The following AKAP13 variants were observed in gnomAD, a reference collection of about 807,000 sequenced individuals.
AKAP13 encodes A-kinase anchoring protein 13.
A neutral mutation model predicts 264.5 loss-of-function variants in AKAP13; 80 were observed. That is an observed-to-expected ratio of 0.30 (90% confidence interval 0.25 to 0.36). The LOEUF is 0.36. AKAP13 is among the 10% of genes least tolerant of loss of function. The pLI is 1.00. For missense variants in AKAP13, 3,712 were observed against 3,435.2 expected (o/e 1.08, Z -2.01); for synonymous variants, 1,380 against 1,250.2 (o/e 1.10, Z -2.19).
At chr15:85,554,026 G>C (rs974419151) in intron 5 of AKAP13, among the ~76,000 whole-genome samples, 1 of 152,118 alleles carries the variant, frequency 6.6e-6, no homozygotes, top group Non-Finnish European at 1.5e-5. Context: ...GGGACCGCTG[G>C]TTTAGATTAT....
chr15:85,629,734 A>G (rs1010804721), intron 8 of AKAP13, among the ~76,000 whole-genome samples: 3 of 145,278 alleles, frequency 2.1e-5, no homozygotes, highest in Non-Finnish European at 4.5e-5. Context: ...AGTATCATGA[A>G]TCTAGAAATA....
intron 8 of AKAP13, among the ~76,000 whole-genome samples, chr15:85,613,691 A>AAAAAAATATATATATATATATATAT (rs1313187436): frequency 1.1e-5 from 1 of 91,968 alleles, no homozygotes; most frequent in African/African-American, 4.6e-5. Flanking sequence ...AAAAAAAAAA[A>AAAAAAATATATATATATATATATAT]ATATATATAT....
At chr15:85,614,064 G>A (rs2080830201) in intron 8 of AKAP13, among the ~76,000 whole-genome samples, 1 of 152,086 alleles carries the variant, frequency 6.6e-6, no homozygotes, top group Non-Finnish European at 1.5e-5. Flanking sequence ...TATTCTTCTA[G>A]CGGTGTAATA....
chr15:85,634,730 T>A (rs2082001034), intron 8 of AKAP13, among the ~76,000 whole-genome samples: 1 of 152,132 alleles, frequency 6.6e-6, no homozygotes, highest in Non-Finnish European at 1.5e-5. Flanking sequence ...CTGTAGTCAG[T>A]CTTCTCCTTC....
intron 2 of AKAP13, among the ~76,000 whole-genome samples, chr15:85,519,663 A>G (rs1359112612): frequency 2.0e-5 from 3 of 152,178 alleles, no homozygotes; most frequent in Admixed American, 2.0e-4. Context: ...AGTCAGTGAT[A>G]ATTCTGTTTT....
intron 10 of AKAP13, among the ~76,000 whole-genome samples, chr15:85,653,797 A>G (rs981084849): frequency 6.6e-6 from 1 of 152,196 alleles, no homozygotes; most frequent in Non-Finnish European, 1.5e-5. Context: ...TAAGAGTGCA[A>G]AATAGCTATT....
rs147633606 is a variant in AKAP13 at position 85,486,198 on chromosome 15, C to T, written c.33+445C>T. The stretch of plus-strand genomic sequence containing the variant: ...TCATCTCCCTAAAGTGAGGGACTTC[C>T]CTCATTCAGTGGGTTGTCATTTCAC... On this transcript the variant is annotated intron_variant, in intron 2 of 36. Coordinates refer to ENST00000394518, the MANE Select transcript of AKAP13 (RefSeq NM_007200.5). Among the ~76,000 whole-genome samples the T allele has an allele frequency of 5.2e-4, 79 of 152,278 alleles. No homozygotes were observed. In the East Asian group the frequency reaches 0.014, roughly 27 times the overall value.
chr15:85,522,354 A>G (rs2076852094), intron 3 of AKAP13, among the ~76,000 whole-genome samples: 1 of 152,182 alleles, frequency 6.6e-6, no homozygotes, highest in South Asian at 2.1e-4. Flanking sequence ...AGTAGATACA[A>G]GGAGACTGCA....
chr15:85,592,005 C>A (rs1455912105), intron 8 of AKAP13, among the ~76,000 whole-genome samples: 1 of 150,832 alleles, frequency 6.6e-6, no homozygotes, highest in Admixed American at 6.6e-5. Flanking sequence ...ATTTAACATA[C>A]CTTCCTCAAT....
At chr15:85,504,953 T>A (rs1388216057) in intron 2 of AKAP13, among the ~76,000 whole-genome samples, 1 of 151,854 alleles carries the variant, frequency 6.6e-6, no homozygotes, top group Non-Finnish European at 1.5e-5. Flanking sequence ...TCTCTCTCCC[T>A]CTCTTTTGCT....
chr15:85,526,920 G>T (rs938085978), intron 3 of AKAP13, among the ~76,000 whole-genome samples: 9 of 150,614 alleles, frequency 6.0e-5, no homozygotes, highest in Admixed American at 1.3e-4. Context: ...AGTTGAAGAG[G>T]AAAAAAATCT....
At position 85,579,985 on chromosome 15, in the gene AKAP13, A is replaced by G. The variant is rs112396662; in HGVS notation, c.1917A>G (p.Ser639=). The change falls in exon 7 of 37, where the codon TCA becomes TCG. Residue 639 remains serine, a synonymous_variant. Transcript: ENST00000394518. The part of the protein sequence containing the change: ...VMPHQNSETN[S]SHAQSQKGKS... ...CACACCAGAACTCAGAAACAAATTC[A>G]TCTCATGCTCAAAGCCAAAAGGGCA... 7.6e-3 allele frequency: 12,314 copies of G among 1,614,236 alleles called. 56 individuals carry two copies. The highest frequency in any genetic ancestry group is 9.5e-3 in the Non-Finnish European group (11,207 of 1,180,032).
intron 18 of AKAP13, among the ~76,000 whole-genome samples, chr15:85,709,062 G>A (rs2086479575): frequency 6.6e-6 from 1 of 152,130 alleles, no homozygotes; most frequent in Non-Finnish European, 1.5e-5. Flanking sequence ...TTAGCCTATG[G>A]ACACATATTT....
chr15:85,730,233 T>A (rs145773160), intron 29 of AKAP13, among the ~76,000 whole-genome samples: 5 of 152,312 alleles, frequency 3.3e-5, no homozygotes, highest in African/African-American at 1.2e-4. Flanking sequence ...AGTAGTGGGC[T>A]GAGAAGTAAA....
chr15:85,531,148 T>C (rs1477816559), intron 3 of AKAP13, among the ~76,000 whole-genome samples: 1 of 152,196 alleles, frequency 6.6e-6, no homozygotes, highest in Non-Finnish European at 1.5e-5. Context: ...GCATGAGTCA[T>C]CGCGCCTGGC....
chr15:85,545,268 A>T (rs550122548), intron 5 of AKAP13, among the ~76,000 whole-genome samples: 2 of 152,280 alleles, frequency 1.3e-5, no homozygotes, highest in Admixed American at 1.3e-4. Flanking sequence ...AAGTTGAAAC[A>T]GTTAACTCTG....
intron 1 of AKAP13, among the ~76,000 whole-genome samples, chr15:85,412,445 G>A (rs1450339291): frequency 6.6e-6 from 1 of 152,104 alleles, no homozygotes; most frequent in East Asian, 1.9e-4. Context: ...AAAGAGATTT[G>A]CCAAAATGTA....
chr15:85,386,745 C>A (rs952305908), intron 1 of AKAP13, among the ~76,000 whole-genome samples: 1 of 148,168 alleles, frequency 6.7e-6, no homozygotes, highest in Non-Finnish European at 1.5e-5. Context: ...TGTCCTTTCT[C>A]TGTTGATTAC....
chr15:85,395,631 T>C (rs2071073272), intron 1 of AKAP13, among the ~76,000 whole-genome samples: 1 of 152,200 alleles, frequency 6.6e-6, no homozygotes. Flanking sequence ...ATAGGACAGA[T>C]TGTATGTATA....
Sources: allele counts gnomAD v4.1 joint callset (sites outside exome capture counted in the v4.1 genomes callset), GRCh38; gene constraint gnomAD v4.1.1; transcripts MANE v1.5; gene names NCBI Gene and HGNC (gene_info 2026-07-23, HGNC 2026-07-21).